PLEKHG4: variants seen among roughly 807,000 people sequenced by gnomAD.
The protein encoded by PLEKHG4 is puratrophin-1.
In PLEKHG4, 85 loss-of-function variants were observed where a neutral mutation model predicts 136.9. The ratio of observed to expected loss-of-function variants is 0.62; its 90% CI spans 0.52 to 0.74. The LOEUF is 0.74. Ranked by LOEUF, PLEKHG4 falls within the 30% of genes least tolerant of loss-of-function variation. The pLI, the probability that PLEKHG4 is intolerant of heterozygous loss-of-function variation, is 0.00. For synonymous variants in PLEKHG4, 577 were observed against 646.9 expected (o/e 0.89, Z 1.64); for missense variants, 1,317 against 1,527.8 (o/e 0.86, Z 2.30).
chr16:67,280,147 G>A lies in PLEKHG4; in HGVS notation c.103G>A (p.Glu35Lys). ...CAGTTTCAGGGATGCCTGGGAAGAG[G>A]AGGAACCTGCTTCCCAGATGCACGT... is the stretch of plus-strand genomic sequence containing the variant. Reference protein sequence around the residue: ...VCSFRDAWEEEEPASQMHVKD... With the variant: ...VCSFRDAWEEKEPASQMHVKD... Residue 35 changes from glutamate (E) to lysine (K), a missense_variant, in exon 2 of 22, where the codon GAG becomes AAG. Coordinates refer to ENST00000379344, the MANE Select transcript of PLEKHG4 (RefSeq NM_001129729.3). The surrounding 1 kb of genome is among the most constrained non-coding windows in gnomAD (Gnocchi z 4.4). 6.2e-7 allele frequency: 1 copy of A among 1,613,944 alleles called. No individual in the cohort carries two copies.
chr16:67,286,386 G>A, intron 15 of PLEKHG4, 23 bp downstream of exon 15: 1 of 1,610,552 alleles, frequency 6.2e-7, no homozygotes, highest in Non-Finnish European at 8.5e-7. Flanking sequence ...GAGATTAGGA[G>A]GAGTAGGGGA....
rs749629984 is a variant in PLEKHG4, at chr16:67,286,319, C to T, written c.2488C>T (p.Arg830Cys). Residue 830 changes from arginine to cysteine, a missense_variant, in exon 15 of 22, where the codon CGC becomes TGC. By Grantham distance (180) the Arg-to-Cys change is radical (BLOSUM62 -3). Coordinates refer to ENST00000379344, the MANE Select transcript of PLEKHG4 (RefSeq NM_001129729.3). ...MYALYSKNKP[R>C]SDALMSSYGH... ...CGCGCTCTACAGCAAGAATAAGCCTCGCTCCGATGCCCTGATGTCAAGCTA... is the reference window on the plus strand; with the variant it reads ...CGCGCTCTACAGCAAGAATAAGCCTTGCTCCGATGCCCTGATGTCAAGCTA... 6.8e-6 allele frequency: 11 copies of T among 1,613,858 alleles called. No individual in the cohort carries two copies. The highest frequency in any genetic ancestry group is 3.3e-5 in the South Asian group (3 of 91,076).
rs1407418577 is a variant in PLEKHG4, at chr16:67,284,847, G to C, written c.1827G>C (p.Met609Ile). The C allele has an allele frequency of 6.2e-7, 1 of 1,613,182 alleles. No homozygotes were observed. Among genetic ancestry groups the C allele is most frequent in the East Asian group, 2.2e-5 (1 of 44,872 alleles). The change falls in exon 13 of 22, where the codon ATG becomes ATC. Residue 609 changes from methionine (M) to isoleucine (I), a missense_variant. Transcript: ENST00000379344. This position sits in a 1 kb window ranked among gnomAD's most constrained non-coding sequence, Gnocchi z 4.4. ...TGCCTCCTGCCCACTTCCGAAAGATGTGGGCTCTGGCCACGGGGCTGGGCT... is the reference window on the plus strand; with the variant it reads ...TGCCTCCTGCCCACTTCCGAAAGATCTGGGCTCTGGCCACGGGGCTGGGCT... ...PDLPPAHFRK[M>I]WALATGLGSE...
chr16:67,281,206 C>T (rs186724698), intron 5 of PLEKHG4, 22 bp downstream of exon 5: 1 of 1,513,942 alleles, frequency 6.6e-7, no homozygotes, highest in East Asian at 2.3e-5. Context: ...ATTGTAGCTC[C>T]CCTCATTCCT....
intron 21 of PLEKHG4, 29 bp downstream of exon 21, chr16:67,288,633 G>C (rs1245337045): frequency 1.9e-6 from 3 of 1,613,216 alleles, no homozygotes; most frequent in Non-Finnish European, 2.5e-6. Flanking sequence ...ATACCCACCA[G>C]CCCTTCCCCA....
rs1437071159 is a variant in PLEKHG4, at chr16:67,280,655, G to A, written c.500-56G>A. The A allele has an allele frequency of 1.2e-6, 2 of 1,612,950 alleles. No homozygotes were observed. The highest frequency in any genetic ancestry group is 1.1e-5 in the South Asian group (1 of 91,066). ...TACTCAGGCTGAAGCCCGGGTCCAA[G>A]TAGGGGTCTCTGGATAGGTGGTCCA... On this transcript the variant is annotated intron_variant, in intron 2 of 21. Transcript: ENST00000379344. The surrounding 1 kb of genome is among the most constrained non-coding windows in gnomAD (Gnocchi z 4.4).
Position 67,284,833 on chromosome 16 carries a change from C to T in PLEKHG4, c.1813C>T (p.His605Tyr), listed in dbSNP as rs1340660383. 1.2e-6 allele frequency: 2 copies of T among 1,613,246 alleles called. No individual in the cohort carries two copies. Among genetic ancestry groups the T allele is most frequent in the Non-Finnish European group, 1.7e-6 (2 of 1,179,808 alleles). Residue 605 changes from histidine to tyrosine, a missense_variant, in exon 13 of 22, where the codon CAC (histidine) becomes TAC (tyrosine). Transcript: ENST00000379344. This position sits in a 1 kb window ranked among gnomAD's most constrained non-coding sequence, Gnocchi z 4.4. ...CAGGCACCCTGACTTGCCTCCTGCC[C>T]ACTTCCGAAAGATGTGGGCTCTGGC... is the stretch of plus-strand genomic sequence containing the variant. ...WTRHPDLPPA[H>Y]FRKMWALATG... is the part of the protein sequence containing the mutation.
intron 21 of PLEKHG4, 51 bp from the exon 22 acceptor site, chr16:67,288,752 C>T: frequency 6.2e-7 from 1 of 1,612,338 alleles, no homozygotes. Context: ...CAGACACCTC[C>T]TGGGTCCAGA....
intron 18 of PLEKHG4, 38 bp downstream of exon 18, chr16:67,287,215 A>C: frequency 1.3e-6 from 2 of 1,589,348 alleles, no homozygotes; most frequent in Non-Finnish European, 1.7e-6. Flanking sequence ...CACTCCCCTC[A>C]CTGGAGAGCT....
In PLEKHG4 at chr16:67,282,549, T is replaced by C. The variant is rs369597417; in HGVS notation, c.1300T>C (p.Leu434=). 3 of 1,614,098 alleles carry C rather than the reference T, an allele frequency of 1.9e-6. No individual in the cohort carries two copies. Among genetic ancestry groups the C allele is most frequent in the Middle Eastern group, 1.6e-4 (1 of 6,062 alleles). ...ADELYDRVDG[L]LHQLTLQSNQ... Reference sequence around the variant, plus strand: ...CGAGCTATATGACCGGGTGGATGGATTGCTGCACCAACTGACCCTGCAGAG... The same window carrying C: ...CGAGCTATATGACCGGGTGGATGGACTGCTGCACCAACTGACCCTGCAGAG... The change falls in exon 10 of 22, where the codon TTG becomes CTG. Residue 434 remains leucine, a synonymous_variant. Coordinates refer to ENST00000379344, the MANE Select transcript of PLEKHG4 (RefSeq NM_001129729.3).
In PLEKHG4 at chr16:67,282,759, G is replaced by A; in HGVS notation, c.1410G>A (p.Gln470=). 1 of 1,613,564 alleles carries A rather than the reference G, an allele frequency of 6.2e-7. No homozygotes were observed. ...SGLHQIEVWL[Q]QVGWPALEEA... ...TCCTCCAGATTGAAGTGTGGCTGCA[G>A]CAGGTGGGCTGGCCAGCACTGGAGG... The change falls in exon 11 of 22, where the codon CAG becomes CAA. Residue 470 remains glutamine (Q), a synonymous_variant. Transcript: ENST00000379344.
chr16:67,278,466 G>A (rs1055572434), upstream of PLEKHG4: 1 of 152,166 alleles, frequency 6.6e-6, no homozygotes, highest in Non-Finnish European at 1.5e-5. Flanking sequence ...TGGGGCTCAG[G>A]GTCTTCTCCT....
chr16:67,286,879 C>T lies in PLEKHG4; in HGVS notation c.2885C>T (p.Pro962Leu), dbSNP rs756808289. 1.2e-6 allele frequency: 2 copies of T among 1,614,068 alleles called. No homozygotes were observed. Among genetic ancestry groups the T allele is most frequent in the Non-Finnish European group, 1.7e-6 (2 of 1,180,004 alleles). The change falls in exon 17 of 22, where the codon CCC becomes CTC. Residue 962 changes from proline to leucine, a missense_variant. Physicochemically the swap from Pro to Leu is moderately conservative, Grantham distance 98. Transcript: ENST00000379344. Reference sequence around the variant, plus strand: ...CTCTTCAGCAAGCCTCGCCATGGGCCCACAGGGGTTGACACATTTGCCTAC... The same window carrying T: ...CTCTTCAGCAAGCCTCGCCATGGGCTCACAGGGGTTGACACATTTGCCTAC... ...LLLFSKPRHG[P>L]TGVDTFAYKR...
chr16:67,284,622 C>T lies in PLEKHG4; in HGVS notation c.1693-91C>T. ...ACTGGGGCTGTGTCCTGGACAGCATCCTGTGGGGATGGGGAGTGGGTAGAG... is the reference window on the plus strand; with the variant it reads ...ACTGGGGCTGTGTCCTGGACAGCATTCTGTGGGGATGGGGAGTGGGTAGAG... On this transcript the variant is annotated intron_variant, in intron 12 of 21. Coordinates refer to ENST00000379344, the MANE Select transcript of PLEKHG4 (RefSeq NM_001129729.3). This position sits in a 1 kb window ranked among gnomAD's most constrained non-coding sequence, Gnocchi z 4.4. 6 of 1,533,098 alleles carry T rather than the reference C, an allele frequency of 3.9e-6. No homozygotes were observed. Among genetic ancestry groups the T allele is most frequent in the South Asian group, 1.1e-5 (1 of 87,030 alleles). 95.0% of individuals were successfully genotyped at this position (1,533,098 alleles called of 1,614,324 possible).
Position 67,287,030 on chromosome 16 carries a change from G to C in PLEKHG4, c.2956G>C (p.Gly986Arg). 6.2e-7 allele frequency: 1 copy of C among 1,613,352 alleles called. No homozygotes were observed. Among genetic ancestry groups the C allele is most frequent in the Non-Finnish European group, 8.5e-7 (1 of 1,180,012 alleles). ...AGACCTTGGTCTCACTGAGTGCTGTGGGAACAGCAACCTGCGCTTCGAGAT... is the reference window on the plus strand; with the variant it reads ...AGACCTTGGTCTCACTGAGTGCTGTCGGAACAGCAACCTGCGCTTCGAGAT... ...MADLGLTECC[G>R]NSNLRFEIWF... The change falls in exon 18 of 22, where the codon GGG (glycine) becomes CGG (arginine). Residue 986 changes from glycine to arginine, a missense_variant. Transcript: ENST00000379344.
At position 67,285,069 on chromosome 16, in the gene PLEKHG4, GC is replaced by G; in HGVS notation, c.2050del (p.Gln684ArgfsTer68). ...KAYSFDRNLG[Q>X]SLSEPACHCH... ...CCTACAGCTTCGATCGGAATCTGGG[GC>G]AGAGTCTCAGTGAACCTGCCTGCCA... On this transcript the variant is annotated frameshift_variant, in exon 13 of 22. Coordinates refer to ENST00000379344, the MANE Select transcript of PLEKHG4 (RefSeq NM_001129729.3). LOFTEE classifies it high-confidence loss of function. The G allele has an allele frequency of 6.2e-7, 1 of 1,613,490 alleles. No homozygotes were observed. Among genetic ancestry groups the G allele is most frequent in the Non-Finnish European group, 8.5e-7 (1 of 1,180,016 alleles).
chr16:67,288,843 T>C lies in PLEKHG4; in HGVS notation c.*35T>C, dbSNP rs759600492. 6.2e-7 allele frequency: 1 copy of C among 1,611,624 alleles called. No homozygotes were observed. Among genetic ancestry groups the C allele is most frequent in the South Asian group, 1.1e-5 (1 of 90,568 alleles). On this transcript the variant is annotated 3_prime_UTR_variant, in exon 22 of 22. Coordinates refer to ENST00000379344, the MANE Select transcript of PLEKHG4 (RefSeq NM_001129729.3). ...TGGACGAGCAGTAGATCCAGCAGCC[T>C]GCAGCTCCAAGGAACATTGCCTCTC... is the stretch of plus-strand genomic sequence containing the variant.
In PLEKHG4 at chr16:67,286,800, C is replaced by T. The variant is rs752381179; in HGVS notation, c.2806C>T (p.Arg936Cys). The change falls in exon 17 of 22, where the codon CGC (arginine) becomes TGC (cysteine). Residue 936 changes from arginine to cysteine, a missense_variant. Coordinates refer to ENST00000379344, the MANE Select transcript of PLEKHG4 (RefSeq NM_001129729.3). ...GGTGCGACAGGATGAGTTTGTGGTG[C>T]GCACTGGGCGCCACAAGTCCGTGCG... ...QLVRQDEFVVRTGRHKSVRRI... is the reference protein window; with the variant it reads ...QLVRQDEFVVCTGRHKSVRRI... 4.6e-5 allele frequency: 74 copies of T among 1,613,810 alleles called. No homozygotes were observed. Among genetic ancestry groups the T allele is most frequent in the South Asian group, 9.9e-5 (9 of 91,088 alleles).
In PLEKHG4 at chr16:67,281,180, T is replaced by C; in HGVS notation, c.809T>C (p.Leu270Pro). 6.2e-7 allele frequency: 1 copy of C among 1,600,400 alleles called. No homozygotes were observed. The highest frequency in any genetic ancestry group is 8.6e-7 in the Non-Finnish European group (1 of 1,167,852). The change falls in exon 5 of 22, where the codon CTA becomes CCA. Residue 270 changes from leucine (L) to proline (P), a missense_variant. Transcript: ENST00000379344. ...SSSLFSGLSQ[L>P]QEAAPGAVYQ... The stretch of plus-strand genomic sequence containing the variant: ...TCCCTCTTCTCTGGGCTCAGCCAAC[T>C]ACAAGTGAGTACAGGATTGTAGCTC...
Sources: gnomAD v4.1 joint callset for allele counts on GRCh38, gnomAD v4.1.1 for gene constraint, Gnocchi (gnomAD v3.1) non-coding constraint, MANE v1.5 for transcripts, NCBI Gene and HGNC (gene_info 2026-07-23, HGNC 2026-07-21) for gene names.